CCDC126: variants seen among roughly 807,000 people sequenced by gnomAD.
CCDC126 encodes coiled-coil domain-containing protein 126.
A neutral mutation model predicts 11.7 loss-of-function variants in CCDC126; 5 were observed. The ratio of observed to expected loss-of-function variants is 0.43; its 90% confidence interval spans 0.22 to 0.90. The LOEUF (loss-of-function observed/expected upper bound fraction) is 0.90, where lower values mean the gene tolerates loss of function less well. CCDC126 is among the 40% of genes least tolerant of loss of function. The pLI is 0.27. For missense variants in CCDC126, 150 were observed against 163.1 expected (o/e 0.92, Z 0.44); for synonymous variants, 60 against 61.9 (o/e 0.97, Z 0.14).
intron 3 of CCDC126, among the ~76,000 whole-genome samples, chr7:23,638,571 A>AACACTGCAC (rs1273000927): frequency 3.2e-5 from 4 of 126,356 alleles, no homozygotes; most frequent in East Asian, 4.3e-4. Flanking sequence ...CAGGGACACA[A>AACACTGCAC]ACACTGCGGA....
intron 3 of CCDC126, among the ~76,000 whole-genome samples, chr7:23,630,134 A>G (rs1270502637): frequency 2.6e-5 from 4 of 152,270 alleles, no homozygotes; most frequent in Non-Finnish European, 5.9e-5. Context: ...TGACATATGC[A>G]GAATGCTCTG....
chr7:23,634,237 G>A (rs1324132319), intron 3 of CCDC126, among the ~76,000 whole-genome samples: 1 of 152,198 alleles, frequency 6.6e-6, no homozygotes, highest in Non-Finnish European at 1.5e-5. Flanking sequence ...CCTGAGCCCA[G>A]GAGTTCAAGA....
At chr7:23,630,757 A>C (rs1369624966) in intron 3 of CCDC126, among the ~76,000 whole-genome samples, 2 of 150,218 alleles carry the variant, frequency 1.3e-5, no homozygotes, top group African/African-American at 2.4e-5. Flanking sequence ...AGTCCATAGA[A>C]TATTTACCAA....
At chr7:23,620,030 T>C (rs1422374954) in intron 3 of CCDC126, among the ~76,000 whole-genome samples, 8 of 152,172 alleles carry the variant, frequency 5.3e-5, no homozygotes, top group East Asian at 3.8e-4. Flanking sequence ...TGAATAGTGC[T>C]GCAATAAACA....
intron 3 of CCDC126, among the ~76,000 whole-genome samples, chr7:23,642,705 GCGAGCCGAGATCATGC>G (rs931786988): frequency 6.6e-5 from 10 of 151,648 alleles, no homozygotes; most frequent in Non-Finnish European, 1.3e-4. Flanking sequence ...GGAGGCTGCA[GCGAGCCGAGATCATGC>G]CACTGCACTC....
At chr7:23,606,927 TAAAAAA>T (rs1325816644) in intron 2 of CCDC126, among the ~76,000 whole-genome samples, 2 of 141,900 alleles carry the variant, frequency 1.4e-5, no homozygotes, top group East Asian at 4.0e-4. Context: ...GAGACCCCTC[TAAAAAA>T]AAAAAAGTAC....
intron 3 of CCDC126, among the ~76,000 whole-genome samples, chr7:23,613,923 A>G (rs1782756324): frequency 6.6e-6 from 1 of 152,236 alleles, no homozygotes; most frequent in Admixed American, 6.5e-5. Context: ...AATTGAAAAT[A>G]CTTTATTGCT....
chr7:23,638,727 T>TAAAAAAAAAAAAAAAAAAAAAAAAAG (rs70954398), intron 3 of CCDC126, among the ~76,000 whole-genome samples: 1 of 89,670 alleles, frequency 1.1e-5, no homozygotes, highest in Non-Finnish European at 2.2e-5. Context: ...AAAAAAAAAT[T>TAAAAAAAAAAAAAAAAAAAAAAAAAG]AAAAAAAAAA....
chr7:23,612,105 C>T (rs904774401), intron 3 of CCDC126, among the ~76,000 whole-genome samples: 59 of 148,160 alleles, frequency 4.0e-4, no homozygotes, highest in African/African-American at 9.5e-4. Context: ...GAGATCGCGC[C>T]GCTGCACTCC....
chr7:23,603,801 CAT>C (rs1039878282), intron 2 of CCDC126, among the ~76,000 whole-genome samples: 12 of 152,096 alleles, frequency 7.9e-5, no homozygotes, highest in Admixed American at 7.9e-4. Flanking sequence ...TTAAAGTAAA[CAT>C]AAGGCATTTC....
At position 23,629,365 on chromosome 7, in the gene CCDC126, G is replaced by A. The variant is rs115462427; in HGVS notation, c.239-13566G>A. Among the ~76,000 whole-genome samples the A allele has an allele frequency of 8.0e-3, 1,217 of 152,262 alleles. 15 individuals are homozygous for A. Among genetic ancestry groups the A allele is most frequent in the African/African-American group, 0.028 (1,168 of 41,566 alleles). On this transcript the variant is annotated intron_variant, in intron 3 of 3. Coordinates refer to ENST00000307471, the MANE Select transcript of CCDC126 (RefSeq NM_138771.4). Reference sequence around the variant, plus strand: ...ACCATCTGTGAGGAACAGGCTCTCAGCAGATACCAAATCTGCCGGCCCCTT... The same window carrying A: ...ACCATCTGTGAGGAACAGGCTCTCAACAGATACCAAATCTGCCGGCCCCTT...
chr7:23,632,771 T>G (rs1783138102), intron 3 of CCDC126, among the ~76,000 whole-genome samples: 1 of 152,230 alleles, frequency 6.6e-6, no homozygotes, highest in African/African-American at 2.4e-5. Context: ...GGTCCTTGTA[T>G]TCCAGATACG....
intron 3 of CCDC126, among the ~76,000 whole-genome samples, chr7:23,623,123 G>A (rs903041308): frequency 2.0e-5 from 3 of 148,908 alleles, no homozygotes; most frequent in Non-Finnish European, 4.4e-5. Flanking sequence ...GCAGGCTCGC[G>A]CCACTATGCC....
At chr7:23,632,765 C>T (rs1186298848) in intron 3 of CCDC126, among the ~76,000 whole-genome samples, 1 of 152,138 alleles carries the variant, frequency 6.6e-6, no homozygotes, top group African/African-American at 2.4e-5. Flanking sequence ...ATGCGTGGTC[C>T]TTGTATTCCA....
chr7:23,606,573 C>A (rs919090650), intron 2 of CCDC126, among the ~76,000 whole-genome samples: 1 of 152,144 alleles, frequency 6.6e-6, no homozygotes, highest in Admixed American at 6.6e-5. Flanking sequence ...GGATCACACT[C>A]TGTTGCCCTT....
intron 2 of CCDC126, among the ~76,000 whole-genome samples, chr7:23,600,105 A>G (rs1299395651): frequency 6.6e-6 from 1 of 152,126 alleles, no homozygotes. Flanking sequence ...TTAAACTTTT[A>G]CTGTAGCATA....
chr7:23,638,726 T>TTAAAAAAAAAAAAAAAAAAAAAAAAAAAA (rs1491032135), intron 3 of CCDC126, among the ~76,000 whole-genome samples: 1 of 39,204 alleles, frequency 2.6e-5, no homozygotes, highest in Non-Finnish European at 4.7e-5. Flanking sequence ...AAAAAAAAAA[T>TTAAAAAAAAAAAAAAAAAAAAAAAAAAAA]TAAAAAAAAA....
intron 3 of CCDC126, among the ~76,000 whole-genome samples, chr7:23,613,157 A>C (rs1402150088): frequency 6.6e-6 from 1 of 152,168 alleles, no homozygotes; most frequent in African/African-American, 2.4e-5. Flanking sequence ...CAGAAAATAC[A>C]AAAGTTAGTG....
chr7:23,628,306 T>G (rs2128019800), intron 3 of CCDC126, among the ~76,000 whole-genome samples: 1 of 151,838 alleles, frequency 6.6e-6, no homozygotes. Flanking sequence ...AGACCAGGAG[T>G]GACACAGTGG....
Sources: allele counts gnomAD v4.1 joint callset (sites outside exome capture counted in the v4.1 genomes callset), GRCh38; gene constraint gnomAD v4.1.1; transcripts MANE v1.5; gene names NCBI Gene and HGNC (gene_info 2026-07-23, HGNC 2026-07-21).